Variants in IL1RAPL2 observed in about 807,000 individuals in gnomAD.
IL1RAPL2 encodes the protein X-linked interleukin-1 receptor accessory protein-like 2.
Under a neutral mutation model 44.1 loss-of-function variants are expected in IL1RAPL2, and 3 were observed. That is an observed-to-expected ratio of 0.07 (90% confidence interval 0.03 to 0.18). IL1RAPL2 has a LOEUF of 0.18. Ranked by LOEUF, IL1RAPL2 falls within the 10% of genes least tolerant of loss-of-function variation. The pLI is 1.00. For missense variants in IL1RAPL2, 391 were observed against 496.4 expected (o/e 0.79, Z 2.02); for synonymous variants, 181 against 178.8 (o/e 1.01, Z -0.10).
At chrX:105,070,036 G>C (rs1377184966) in intron 2 of IL1RAPL2, among the ~76,000 whole-genome samples, 1 of 111,685 alleles carries the variant, frequency 9.0e-6, no homozygotes, top group South Asian at 3.8e-4. Context: ...AATATGCCTT[G>C]GTAATCTCTT....
chrX:105,392,085 T>G (rs2035529125), intron 5 of IL1RAPL2, among the ~76,000 whole-genome samples: 1 of 107,169 alleles, frequency 9.3e-6, no homozygotes, highest in African/African-American at 3.4e-5. Flanking sequence ...GCATAGCACA[T>G]GTATACATAT....
At chrX:105,722,787 C>T (rs1222325081) in intron 7 of IL1RAPL2, among the ~76,000 whole-genome samples, 1 of 111,435 alleles carries the variant, frequency 9.0e-6, no homozygotes, top group Non-Finnish European at 1.9e-5. Flanking sequence ...GTTCTGGAGG[C>T]TGGGAAGTCA....
intron 1 of IL1RAPL2, among the ~76,000 whole-genome samples, chrX:104,579,039 TTA>T (rs1415738830): frequency 8.9e-6 from 1 of 111,862 alleles, no homozygotes; most frequent in Admixed American, 9.5e-5. Context: ...AACATATTGT[TTA>T]TAAACATGGA....
At chrX:104,901,805 C>T (rs1923826591) in intron 2 of IL1RAPL2, among the ~76,000 whole-genome samples, 1 of 111,650 alleles carries the variant, frequency 9.0e-6, no homozygotes, top group Non-Finnish European at 1.9e-5. Flanking sequence ...ATGAGAGTGA[C>T]AGTTCTTATG....
chrX:105,095,728 A>C (rs751475619), intron 2 of IL1RAPL2, among the ~76,000 whole-genome samples: 1 of 112,266 alleles, frequency 8.9e-6, no homozygotes, highest in South Asian at 3.7e-4. Flanking sequence ...AAGAGCTAAA[A>C]CAATAAAACT....
At chrX:104,728,476 G>C (rs1213163312) in intron 2 of IL1RAPL2, among the ~76,000 whole-genome samples, 2 of 111,492 alleles carry the variant, frequency 1.8e-5, no homozygotes, top group Non-Finnish European at 3.8e-5. Context: ...TTCATATGTG[G>C]AAGTCCTAAG....
At chrX:105,488,764 G>A (rs1250587251) in intron 6 of IL1RAPL2, among the ~76,000 whole-genome samples, 1 of 111,723 alleles carries the variant, frequency 9.0e-6, no homozygotes, top group Non-Finnish European at 1.9e-5. Context: ...GTTCATTTGA[G>A]GGTTACACTC....
chrX:105,480,643 A>C (rs2036227821), intron 5 of IL1RAPL2, among the ~76,000 whole-genome samples: 1 of 112,027 alleles, frequency 8.9e-6, no homozygotes, highest in Non-Finnish European at 1.9e-5. Flanking sequence ...TTCCTAATAA[A>C]ATTGTAAATC....
At chrX:105,499,758 G>A (rs979571326) in intron 6 of IL1RAPL2, among the ~76,000 whole-genome samples, 4 of 111,840 alleles carry the variant, frequency 3.6e-5, no homozygotes, top group Non-Finnish European at 7.5e-5. Flanking sequence ...GAAAATAAGC[G>A]CTGGTAAGGA....
chrX:105,501,109 G>A (rs913569707), intron 6 of IL1RAPL2, among the ~76,000 whole-genome samples: 1 of 111,599 alleles, frequency 9.0e-6, no homozygotes, highest in Middle Eastern at 4.2e-3. Context: ...CTGATGCTCA[G>A]GAAATGTCTA....
intron 2 of IL1RAPL2, among the ~76,000 whole-genome samples, chrX:104,911,342 A>G (rs1349393146): frequency 8.9e-6 from 1 of 112,197 alleles, no homozygotes; most frequent in African/African-American, 3.2e-5. Flanking sequence ...CAGAATCTGA[A>G]AAGTATAGGC....
At chrX:105,722,602 C>T (rs751661506) in intron 7 of IL1RAPL2, among the ~76,000 whole-genome samples, 73 of 111,723 alleles carry the variant, frequency 6.5e-4, no homozygotes, top group African/African-American at 1.8e-3. Context: ...AGAGTTCTGA[C>T]GGCAGAATAC....
intron 5 of IL1RAPL2, among the ~76,000 whole-genome samples, chrX:105,305,307 T>C (rs144984706): frequency 0.013 from 1,445 of 111,321 alleles, 19 homozygotes; most frequent in African/African-American, 0.045. Flanking sequence ...CTTTGAAATA[T>C]GCTAAGAGGA....
chrX:105,344,727 T>C, intron 5 of IL1RAPL2, among the ~76,000 whole-genome samples: 1 of 111,663 alleles, frequency 9.0e-6, no homozygotes, highest in Non-Finnish European at 1.9e-5. Flanking sequence ...ATGTATACGT[T>C]ATTCTCTGTG....
intron 2 of IL1RAPL2, among the ~76,000 whole-genome samples, chrX:104,667,472 G>T (rs973641937): frequency 9.0e-6 from 1 of 111,249 alleles, no homozygotes. Context: ...TACATACATT[G>T]TCTCCTAATA....
intron 5 of IL1RAPL2, among the ~76,000 whole-genome samples, chrX:105,376,579 A>T (rs1009213169): frequency 1.8e-5 from 2 of 111,768 alleles, no homozygotes; most frequent in Non-Finnish European, 3.8e-5. Flanking sequence ...ATAAACCCTT[A>T]GACTCTTTTT....
intron 2 of IL1RAPL2, among the ~76,000 whole-genome samples, chrX:105,105,021 G>T (rs1335492352): frequency 1.8e-5 from 2 of 111,766 alleles, no homozygotes; most frequent in Admixed American, 1.9e-4. Context: ...TACATGTCTT[G>T]TTCACTGCAG....
chrX:104,609,131 G>A (rs914845559), intron 1 of IL1RAPL2, among the ~76,000 whole-genome samples: 17 of 112,130 alleles, frequency 1.5e-4, no homozygotes, highest in African/African-American at 5.2e-4. Context: ...GGCTGGATAT[G>A]AAATTCTAGG....
chrX:105,232,469 T>C (rs782027798), intron 3 of IL1RAPL2, among the ~76,000 whole-genome samples: 3 of 111,989 alleles, frequency 2.7e-5, no homozygotes, highest in Non-Finnish European at 3.8e-5. Context: ...CACGTATCCC[T>C]TGATGTTTAA....
Sources: allele counts gnomAD v4.1 joint callset (sites outside exome capture counted in the v4.1 genomes callset), GRCh38; gene constraint gnomAD v4.1.1; transcripts MANE v1.5; gene names NCBI Gene and HGNC (gene_info 2026-07-23, HGNC 2026-07-21).